Variants in CDYL observed in about 807,000 individuals in gnomAD.
The protein encoded by CDYL is chromodomain Y-like protein.
CDYL carries 8 observed loss-of-function variants against 47.3 expected under a neutral mutation model. The observed-to-expected ratio is 0.17, with a 90% CI of 0.10 to 0.31. CDYL has a LOEUF of 0.31. CDYL is among the 10% of genes least tolerant of loss of function. The probability of loss-of-function intolerance (pLI) is 1.00; values close to 1 mark genes in which losing one functional copy is unlikely to be tolerated. For missense variants in CDYL, 471 were observed against 701.4 expected (o/e 0.67, Z 3.71); for synonymous variants, 266 against 265.0 (o/e 1.00, Z -0.04).
intron 2 of CDYL, among the ~76,000 whole-genome samples, chr6:4,909,859 C>T: frequency 6.6e-6 from 1 of 152,044 alleles, no homozygotes; most frequent in East Asian, 1.9e-4. Context: ...AGGCATGAGC[C>T]ACCGCACCTG....
intron 1 of CDYL, among the ~76,000 whole-genome samples, chr6:4,810,130 T>C (rs1464155430): frequency 3.3e-5 from 5 of 152,156 alleles, no homozygotes; most frequent in Non-Finnish European, 5.9e-5. Flanking sequence ...TGTGTGTGTT[T>C]ATTTTTGCCT....
intron 1 of CDYL, among the ~76,000 whole-genome samples, chr6:4,781,859 G>A (rs1758626719): frequency 1.3e-5 from 2 of 152,124 alleles, no homozygotes; most frequent in Admixed American, 1.3e-4. Flanking sequence ...TATATTGTGA[G>A]CACTCCTAGG....
At chr6:4,818,326 GGT>G (rs922707283) in intron 1 of CDYL, among the ~76,000 whole-genome samples, 11 of 152,044 alleles carry the variant, frequency 7.2e-5, no homozygotes, top group Admixed American at 1.3e-4. Context: ...CAATATAAAT[GGT>G]ATTGATATTG....
intron 1 of CDYL, among the ~76,000 whole-genome samples, chr6:4,845,333 G>A (rs1760625091): frequency 6.6e-6 from 1 of 152,202 alleles, no homozygotes; most frequent in Non-Finnish European, 1.5e-5. Context: ...ATTTTGCGAT[G>A]CCTGGATTGG....
chr6:4,758,694 G>C (rs1758117615), intron 3 of CDYL, among the ~76,000 whole-genome samples: 2 of 151,938 alleles, frequency 1.3e-5, no homozygotes, highest in South Asian at 4.2e-4. Flanking sequence ...GAAGATTCTG[G>C]AAAATATAAG....
intron 1 of CDYL, among the ~76,000 whole-genome samples, chr6:4,816,383 A>G (rs1347770499): frequency 6.6e-6 from 1 of 152,050 alleles, no homozygotes; most frequent in Non-Finnish European, 1.5e-5. Flanking sequence ...TAGCCCCAAG[A>G]AACTACTACT....
At chr6:4,711,367 G>C (rs1027748150) in intron 1 of CDYL, among the ~76,000 whole-genome samples, 3 of 152,178 alleles carry the variant, frequency 2.0e-5, no homozygotes, top group African/African-American at 4.8e-5. Context: ...CTCTTCTCTG[G>C]TTGTTTATTC....
At chr6:4,924,796 C>CA (rs1230534850) in intron 2 of CDYL, among the ~76,000 whole-genome samples, 5 of 152,070 alleles carry the variant, frequency 3.3e-5, no homozygotes, top group African/African-American at 1.2e-4. Context: ...CGCCACACTG[C>CA]AAAATCATGC....
intron 1 of CDYL, among the ~76,000 whole-genome samples, chr6:4,787,765 CTTTTTTTTTTTTTT>C (rs70974136): frequency 5.8e-5 from 4 of 69,410 alleles, no homozygotes; most frequent in Non-Finnish European, 1.0e-4. Context: ...AAATTCAAGT[CTTTTTTTTTTTTTT>C]TTTTTTTTTG....
chr6:4,740,987 A>G (rs1477639785), intron 3 of CDYL, among the ~76,000 whole-genome samples: 7 of 152,068 alleles, frequency 4.6e-5, no homozygotes, highest in African/African-American at 1.4e-4. Context: ...GGGTTTCACC[A>G]TGTTGGCCAG....
chr6:4,898,311 CTTGAAAAGAGAAGACAT>C (rs371692775), intron 2 of CDYL, among the ~76,000 whole-genome samples: 1 of 152,308 alleles, frequency 6.6e-6, no homozygotes, highest in African/African-American at 2.4e-5. Flanking sequence ...GAAACCTCCA[CTTGAAAAGAGAAGACAT>C]TTGAAGTCAA....
In CDYL at chr6:4,955,493, TAAA is replaced by T. The variant is rs1386145525; in HGVS notation, c.*1438_*1440del. The T allele has an allele frequency of 6.5e-5, 10 of 152,694 alleles. No homozygotes were observed. Among genetic ancestry groups the T allele is most frequent in the Non-Finnish European group, 1.3e-4 (9 of 68,042 alleles). The allele number at this position is 152,694 out of a possible 1,614,324, so 9.5% of individuals were successfully genotyped here. A position where few individuals can be genotyped will look rare whatever the true frequency, so the allele number is the denominator to read the frequency against. On this transcript the variant is annotated 3_prime_UTR_variant, in exon 7 of 7. Coordinates refer to ENST00000397588, the MANE Select transcript of CDYL (RefSeq NM_004824.4). Reference sequence around the variant, plus strand: ...TACAATCTGTAAAGTTTTTATAGAATAAATATTCAGCTGTGAAAACTGGTTAAA... The same window carrying T: ...TACAATCTGTAAAGTTTTTATAGAATTATTCAGCTGTGAAAACTGGTTAAA...
chr6:4,789,472 G>C (rs1021876624), intron 1 of CDYL, among the ~76,000 whole-genome samples: 4 of 152,112 alleles, frequency 2.6e-5, no homozygotes, highest in Non-Finnish European at 5.9e-5. Flanking sequence ...TTTTATTTCT[G>C]TTTCCCTGGC....
chr6:4,899,814 G>A (rs1489329977), intron 2 of CDYL, among the ~76,000 whole-genome samples: 1 of 152,198 alleles, frequency 6.6e-6, no homozygotes, highest in Non-Finnish European at 1.5e-5. Context: ...CAGCTCTTCA[G>A]CAGCCATATC....
intron 2 of CDYL, among the ~76,000 whole-genome samples, chr6:4,727,282 T>A (rs956947249): frequency 6.6e-6 from 1 of 152,162 alleles, no homozygotes; most frequent in African/African-American, 2.4e-5. Flanking sequence ...AATGACAGTT[T>A]GTCCAAAAGT....
chr6:4,912,091 A>G (rs1358594387), intron 2 of CDYL, among the ~76,000 whole-genome samples: 1 of 152,238 alleles, frequency 6.6e-6, no homozygotes, highest in Non-Finnish European at 1.5e-5. Flanking sequence ...ATGGAGCTGT[A>G]AAATACTCTA....
At position 4,806,087 on chromosome 6, in the gene CDYL, A is replaced by C. The variant is rs929054175; in HGVS notation, c.24+29280A>C. On this transcript the variant is annotated intron_variant, in intron 1 of 6. Coordinates refer to ENST00000397588, the MANE Select transcript of CDYL (RefSeq NM_004824.4). ...CGCAGGGAGCGGGTGTACATGCCGC[A>C]GGGACGCAAGACCTGCCAGTGCTGG... is the stretch of plus-strand genomic sequence containing the variant. Among the ~76,000 whole-genome samples the C allele has an allele frequency of 2.6e-5, 4 of 152,248 alleles. No individual in the cohort carries two copies. In the East Asian group the frequency reaches 7.7e-4, roughly 29 times the overall value.
At chr6:4,719,022 C>A (rs568817632) in intron 2 of CDYL, among the ~76,000 whole-genome samples, 77 of 152,150 alleles carry the variant, frequency 5.1e-4, no homozygotes, top group Admixed American at 7.8e-4. Context: ...CTCCTGGGTT[C>A]AAACGATTCT....
At chr6:4,904,546 A>G (rs1347805072) in intron 2 of CDYL, among the ~76,000 whole-genome samples, 1 of 152,232 alleles carries the variant, frequency 6.6e-6, no homozygotes. Flanking sequence ...TTTTGGGAAG[A>G]TAACATTTCA....
Sources: allele counts gnomAD v4.1 joint callset (sites outside exome capture counted in the v4.1 genomes callset), GRCh38; gene constraint gnomAD v4.1.1; transcripts MANE v1.5; gene names NCBI Gene and HGNC (gene_info 2026-07-23, HGNC 2026-07-21).